The following PCDHA1 variants were observed in gnomAD, a reference collection of about 807,000 sequenced individuals.
PCDHA1 encodes protocadherin alpha 1.
PCDHA1 carries 42 observed loss-of-function variants against 61.3 expected under a neutral mutation model. That is an observed-to-expected ratio of 0.69 (90% CI 0.54 to 0.89). The LOEUF is 0.89. PCDHA1 is among the 40% of genes least tolerant of loss of function. PCDHA1 has a pLI of 0.00. For synonymous variants in PCDHA1, 610 were observed against 553.8 expected (o/e 1.10, Z -1.43); for missense variants, 1,256 against 1,235.3 (o/e 1.02, Z -0.25).
chr5:140,982,722 T>G, intron 3 of PCDHA1, 159 bp downstream of exon 3: 1 of 913,304 alleles, frequency 1.1e-6, no homozygotes, highest in African/African-American at 1.8e-5. Flanking sequence ...TATGATTATT[T>G]TGATTTTATA....
chr5:140,871,553 GT>G lies in PCDHA1; in HGVS notation c.2394+82877del, dbSNP rs555355563. 1.1e-3 allele frequency: 1,577 copies of G among 1,491,202 alleles called. 1 individual carries two copies. The highest frequency in any genetic ancestry group is 2.7e-3 in the Middle Eastern group (15 of 5,580). 92.4% of individuals were successfully genotyped at this position (1,491,202 alleles called of 1,614,324 possible). On this transcript the variant is annotated intron_variant, in intron 1 of 3. Transcript: ENST00000504120. ...TGTATGTGAAATTATTTAAAATCCA[GT>G]TTTTTTTCACGGATTTTTTAAGGGA...
At chr5:140,882,920 G>C (rs2059362328) in intron 1 of PCDHA1, 1 of 1,614,090 alleles carries the variant, frequency 6.2e-7, no homozygotes. Flanking sequence ...CAGTGATGGA[G>C]GTAAACCCGA....
chr5:140,807,017 G>T, intron 1 of PCDHA1: 1 of 805,674 alleles, frequency 1.2e-6, no homozygotes, highest in Non-Finnish European at 1.9e-6. Flanking sequence ...CAAAATACAT[G>T]AGAGAAGGAG....
intron 1 of PCDHA1, chr5:140,823,508 A>T: frequency 6.2e-7 from 1 of 1,613,314 alleles, no homozygotes. Context: ...GCAGTGAGCG[A>T]GCTGGTGCCG....
intron 1 of PCDHA1, among the ~76,000 whole-genome samples, chr5:140,900,046 G>A (rs896570608): frequency 2.4e-4 from 36 of 152,294 alleles, no homozygotes; most frequent in Admixed American, 1.6e-3. Context: ...CTGGGCTCAA[G>A]TGATCCTTTA....
rs115890668 is a variant in PCDHA1 at position 140,925,958 on chromosome 5, A to G, written c.2395-52991A>G. Among the ~76,000 whole-genome samples, 1,223 of 152,250 alleles carry G rather than the reference A, an allele frequency of 8.0e-3. 5 individuals carry two copies. The highest frequency in any genetic ancestry group is 0.019 in the African/African-American group (788 of 41,548). On this transcript the variant is annotated intron_variant, in intron 1 of 3. Coordinates refer to ENST00000504120, the MANE Select transcript of PCDHA1 (RefSeq NM_018900.4). ...GCCTCTTGGAGAAGGAGAAACTGCT[A>G]TCACGCAAAAAAAAAGCCTTGAGCT... is the stretch of plus-strand genomic sequence containing the variant.
intron 1 of PCDHA1, among the ~76,000 whole-genome samples, chr5:140,798,853 A>T (rs1762369499): frequency 6.6e-6 from 1 of 152,206 alleles, no homozygotes; most frequent in South Asian, 2.1e-4. Context: ...ACTGTCTTAA[A>T]CGGTCCTCTA....
intron 1 of PCDHA1, among the ~76,000 whole-genome samples, chr5:140,948,503 A>G (rs949915439): frequency 1.4e-4 from 22 of 151,736 alleles, no homozygotes; most frequent in Middle Eastern, 3.4e-3. Flanking sequence ...TAGACTTTCT[A>G]TTAAAAATGT....
In PCDHA1 at chr5:140,787,945, A is replaced by G; in HGVS notation, c.1655A>G (p.Gln552Arg). 6.2e-7 allele frequency: 1 copy of G among 1,613,824 alleles called. No homozygotes were observed. Among genetic ancestry groups the G allele is most frequent in the Non-Finnish European group, 8.5e-7 (1 of 1,179,870 alleles). Residue 552 changes from glutamine (Q) to arginine (R), a missense_variant, in exon 1 of 4, where the codon CAG (glutamine) becomes CGG (arginine). Physicochemically the swap from Gln to Arg is conservative, Grantham distance 43. Coordinates refer to ENST00000504120, the MANE Select transcript of PCDHA1 (RefSeq NM_018900.4). Reference protein sequence around the residue: ...VPPLGSNVTLQVFVLDENDNA... With the variant: ...VPPLGSNVTLRVFVLDENDNA... ...CCTCTGGGCAGCAACGTGACGCTGC[A>G]GGTGTTCGTGCTGGACGAGAACGAC...
chr5:140,880,066 C>T (rs1582502313), intron 1 of PCDHA1, among the ~76,000 whole-genome samples: 1 of 152,176 alleles, frequency 6.6e-6, no homozygotes, highest in East Asian at 1.9e-4. Flanking sequence ...TTTTTGGGGA[C>T]CACAATTCAA....
intron 1 of PCDHA1, chr5:140,849,988 G>A (rs2150461736): frequency 1.8e-5 from 29 of 1,597,364 alleles, no homozygotes; most frequent in African/African-American, 4.0e-5. Flanking sequence ...GTGGAGCGGC[G>A]GTTGGGCGAG....
chr5:140,910,791 G>A (rs1471299729), intron 1 of PCDHA1, among the ~76,000 whole-genome samples: 2 of 152,140 alleles, frequency 1.3e-5, no homozygotes, highest in Non-Finnish European at 2.9e-5. Context: ...ATTAAATGCA[G>A]AATCCCTGCT....
chr5:140,973,803 G>C (rs1232498397), intron 1 of PCDHA1, among the ~76,000 whole-genome samples: 2 of 152,214 alleles, frequency 1.3e-5, no homozygotes, highest in African/African-American at 2.4e-5. Flanking sequence ...CTGTCTACTT[G>C]ACAGAATAGC....
chr5:140,832,005 A>G (rs1440445717), intron 1 of PCDHA1, among the ~76,000 whole-genome samples: 2 of 152,164 alleles, frequency 1.3e-5, no homozygotes, highest in African/African-American at 4.8e-5. Context: ...TATTGTTTTC[A>G]TTTTACGTAA....
At chr5:140,895,691 T>C (rs571770501) in intron 1 of PCDHA1, among the ~76,000 whole-genome samples, 3 of 152,322 alleles carry the variant, frequency 2.0e-5, no homozygotes, top group South Asian at 4.1e-4. Flanking sequence ...TCTGTTTCTA[T>C]ATTAATTCAC....
intron 1 of PCDHA1, chr5:140,817,050 C>G (rs1227533910): frequency 6.6e-6 from 1 of 152,190 alleles, no homozygotes; most frequent in Non-Finnish European, 1.5e-5. Context: ...GAGTTTCTCT[C>G]TGTGTGCTGT....
At chr5:140,966,839 C>T (rs782091529) in intron 1 of PCDHA1, 14 of 1,567,058 alleles carry the variant, frequency 8.9e-6, no homozygotes, top group Non-Finnish European at 1.1e-5. Flanking sequence ...CTGGCTGCTG[C>T]TACTGCCTCT....
intron 1 of PCDHA1, among the ~76,000 whole-genome samples, chr5:140,832,841 G>C (rs1249318622): frequency 2.6e-5 from 4 of 152,146 alleles, no homozygotes; most frequent in African/African-American, 9.6e-5. Context: ...CCTTGTTGAA[G>C]GAGACCGTGA....
rs200693140 is a variant in PCDHA1, at chr5:140,850,298, G to A, written c.2394+61614G>A. 1.0e-5 allele frequency: 16 copies of A among 1,596,354 alleles called. 2 individuals are homozygous for A. The South Asian group carries it at 1.3e-4, about 13-fold the overall frequency. On this transcript the variant is annotated intron_variant, in intron 1 of 3. Coordinates refer to ENST00000504120, the MANE Select transcript of PCDHA1 (RefSeq NM_018900.4). Reference sequence around the variant, plus strand: ...AGGTGCGCGCAGTGGACGCCGACTCGGGCTACAACGCGTGGCTTTCATACG... The same window carrying A: ...AGGTGCGCGCAGTGGACGCCGACTCAGGCTACAACGCGTGGCTTTCATACG...
Sources: allele counts gnomAD v4.1 joint callset (sites outside exome capture counted in the v4.1 genomes callset), GRCh38; gene constraint gnomAD v4.1.1; transcripts MANE v1.5; gene names NCBI Gene and HGNC (gene_info 2026-07-23, HGNC 2026-07-21).